IGFBP7: variants seen among roughly 807,000 people sequenced by gnomAD.
IGFBP7 encodes the protein insulin-like growth factor-binding protein 7.
In IGFBP7, 31 loss-of-function variants were observed where a neutral mutation model predicts 29.4. The ratio of observed to expected loss-of-function variants is 1.05; its 90% CI spans 0.79 to 1.42. The LOEUF (loss-of-function observed/expected upper bound fraction) is 1.42. IGFBP7 is among the 40% of genes most tolerant of loss of function. The pLI, the probability that IGFBP7 is intolerant of heterozygous loss-of-function variation, is 0.00. For synonymous variants in IGFBP7, 172 were observed against 174.9 expected, an observed-to-expected ratio of 0.98 and a Z score of 0.13; for missense variants, 393 against 395.5, an observed-to-expected ratio of 0.99 and a Z score of 0.05.
chr4:57,063,072 T>G (rs568629232), intron 1 of IGFBP7, among the ~76,000 whole-genome samples: 1 of 152,310 alleles, frequency 6.6e-6, no homozygotes, highest in South Asian at 2.1e-4. Flanking sequence ...CAAGCATGTC[T>G]TGCCCTCCCT....
intron 1 of IGFBP7, among the ~76,000 whole-genome samples, chr4:57,052,520 A>C (rs2109756150): frequency 6.6e-6 from 1 of 152,296 alleles, no homozygotes; most frequent in South Asian, 2.1e-4. Context: ...TGGAAGGAAG[A>C]CAGATTTGGC....
chr4:57,074,039 ATCTCTC>A lies in IGFBP7; in HGVS notation c.476-33112_476-33107del, dbSNP rs10569950. Among the ~76,000 whole-genome samples, 357 of 107,534 alleles carry A rather than the reference ATCTCTC, an allele frequency of 3.3e-3. 4 individuals are homozygous for A. Among genetic ancestry groups the A allele is most frequent in the African/African-American group, 0.011 (339 of 31,334 alleles). 70.5% of individuals were successfully genotyped at this position (107,534 alleles called of 152,430 possible). ...TCGTACTTTCCTCTTTGGAAAATGC[ATCTCTC>A]TCTCTCTCTCTCTCTCTCTCTCTTT... On this transcript the variant is annotated intron_variant, in intron 1 of 4. Transcript: ENST00000295666.
intron 1 of IGFBP7, among the ~76,000 whole-genome samples, chr4:57,075,353 A>T (rs778663896): frequency 9.2e-5 from 14 of 152,176 alleles, no homozygotes; most frequent in Non-Finnish European, 1.6e-4. Context: ...TTTTAAAATA[A>T]TGTTTCATTG....
chr4:57,082,814 T>A (rs997810414), intron 1 of IGFBP7, among the ~76,000 whole-genome samples: 1 of 152,196 alleles, frequency 6.6e-6, no homozygotes, highest in Non-Finnish European at 1.5e-5. Flanking sequence ...AAATTTTTTT[T>A]AAAGTTTTAT....
chr4:57,057,868 T>G (rs1724711382), intron 1 of IGFBP7, among the ~76,000 whole-genome samples: 2 of 152,176 alleles, frequency 1.3e-5, no homozygotes, highest in Admixed American at 6.5e-5. Flanking sequence ...GAAAGGGTTA[T>G]GGTCTGAGCC....
At chr4:57,075,890 T>C (rs1263804776) in intron 1 of IGFBP7, among the ~76,000 whole-genome samples, 1 of 152,240 alleles carries the variant, frequency 6.6e-6, no homozygotes, top group Non-Finnish European at 1.5e-5. Flanking sequence ...AACATGGATC[T>C]GTTATATATA....
chr4:57,093,803 T>C (rs547347662), intron 1 of IGFBP7, among the ~76,000 whole-genome samples: 15 of 152,214 alleles, frequency 9.9e-5, no homozygotes, highest in South Asian at 2.1e-4. Flanking sequence ...GGAATGTCAC[T>C]TTGGGCAAAG....
intron 1 of IGFBP7, among the ~76,000 whole-genome samples, chr4:57,109,585 G>A (rs868320007): frequency 6.6e-6 from 1 of 152,172 alleles, no homozygotes; most frequent in Non-Finnish European, 1.5e-5. Context: ...TTTGGGCATG[G>A]GGAAGTCTGA....
chr4:57,099,302 A>G (rs750333163), intron 1 of IGFBP7, among the ~76,000 whole-genome samples: 2 of 152,158 alleles, frequency 1.3e-5, no homozygotes, highest in Non-Finnish European at 2.9e-5. Flanking sequence ...GTCTAAATGG[A>G]TTATGCTTAA....
At chr4:57,039,643 C>CTTTTT (rs10716496) in intron 2 of IGFBP7, among the ~76,000 whole-genome samples, 3 of 128,672 alleles carry the variant, frequency 2.3e-5, no homozygotes, top group African/African-American at 9.0e-5. Context: ...AATTCACACT[C>CTTTTT]TTTTTTTTTT....
chr4:57,097,117 T>A (rs968805906), intron 1 of IGFBP7, among the ~76,000 whole-genome samples: 2 of 152,232 alleles, frequency 1.3e-5, no homozygotes, highest in Non-Finnish European at 2.9e-5. Flanking sequence ...TTCCTATGTA[T>A]AAAATACTGG....
chr4:57,079,340 C>T (rs532539556), intron 1 of IGFBP7, among the ~76,000 whole-genome samples: 88 of 152,264 alleles, frequency 5.8e-4, no homozygotes, highest in Middle Eastern at 3.4e-3. Flanking sequence ...TTATCCCCCA[C>T]CTTTCAACAC....
chr4:57,066,921 C>T (rs1431329621), intron 1 of IGFBP7, among the ~76,000 whole-genome samples: 3 of 151,186 alleles, frequency 2.0e-5, no homozygotes, highest in African/African-American at 7.3e-5. Context: ...GAACTTTCTC[C>T]ATCATCAGCT....
intron 1 of IGFBP7, among the ~76,000 whole-genome samples, chr4:57,049,160 A>G (rs1278918137): frequency 6.6e-6 from 1 of 151,892 alleles, no homozygotes; most frequent in African/African-American, 2.4e-5. Context: ...AGAGCTTATA[A>G]AGGTATCACC....
intron 1 of IGFBP7, among the ~76,000 whole-genome samples, chr4:57,047,002 G>T (rs904282879): frequency 3.9e-5 from 6 of 152,126 alleles, no homozygotes; most frequent in South Asian, 2.1e-4. Flanking sequence ...TAACTTTAGA[G>T]TGTCTCTTCC....
chr4:57,076,667 G>A (rs1725235409), intron 1 of IGFBP7, among the ~76,000 whole-genome samples: 1 of 152,192 alleles, frequency 6.6e-6, no homozygotes, highest in African/African-American at 2.4e-5. Context: ...TGACGTGGGT[G>A]TTTAGCTTAA....
rs71657252 is a variant in IGFBP7 at position 57,084,788 on chromosome 4, G to GATTTTTTTTTT, written c.475+25088_475+25089insAAAAAAAAAAT. Among the ~76,000 whole-genome samples the GATTTTTTTTTT allele has an allele frequency of 1.5e-4, 17 of 113,078 alleles. 1 individual carries two copies. The highest frequency in any genetic ancestry group is 2.9e-4 in the South Asian group (1 of 3,390). The allele number at this position is 113,078 out of a possible 152,430, so 74.2% of individuals were successfully genotyped here. A position where few individuals can be genotyped will look rare whatever the true frequency, so the allele number is the denominator to read the frequency against. ...CTTTTTACTCAGATGTTTAAAAAAG[G>GATTTTTTTTTT]TTTTTTTTTTTTTTTTTTTTGGGAC... On this transcript the variant is annotated intron_variant, in intron 1 of 4. Coordinates refer to ENST00000295666, the MANE Select transcript of IGFBP7 (RefSeq NM_001553.3).
intron 4 of IGFBP7, chr4:57,032,217 C>T (rs941501409): frequency 7.5e-7 from 1 of 1,341,546 alleles, no homozygotes; most frequent in African/African-American, 1.5e-5. Flanking sequence ...GTAAAAGCAT[C>T]TAAGTCATAA....
intron 1 of IGFBP7, among the ~76,000 whole-genome samples, chr4:57,094,279 G>A (rs1421834031): frequency 6.6e-6 from 1 of 152,174 alleles, no homozygotes; most frequent in Non-Finnish European, 1.5e-5. Flanking sequence ...TGTGTCCTGA[G>A]CTAAAAGATG....
Sources: allele counts gnomAD v4.1 joint callset (sites outside exome capture counted in the v4.1 genomes callset), GRCh38; gene constraint gnomAD v4.1.1; transcripts MANE v1.5; gene names NCBI Gene and HGNC (gene_info 2026-07-23, HGNC 2026-07-21).